ANKS1B: variants seen among roughly 807,000 people sequenced by gnomAD.
The protein encoded by ANKS1B is ankyrin repeat and sterile alpha motif domain containing 1B, also known as ankyrin repeat and sterile alpha motif domain-containing protein 1B.
Under a neutral mutation model 148.3 loss-of-function variants are expected in ANKS1B, and 36 were observed. That is an observed-to-expected ratio of 0.24 (90% confidence interval 0.19 to 0.32). ANKS1B has a LOEUF of 0.32. Among genes scored for constraint, ANKS1B ranks in the 10% least tolerant of loss-of-function variants. The pLI is 1.00. For missense variants in ANKS1B, 1,157 were observed against 1,542.6 expected (o/e 0.75, Z 4.19); for synonymous variants, 542 against 560.8 (o/e 0.97, Z 0.47).
In ANKS1B at chr12:99,318,832, A is replaced by G. The variant is rs200097657; in HGVS notation, c.1757-71968T>C. 5.3e-5 allele frequency among the ~76,000 whole-genome samples: 8 copies of G among 150,096 alleles called. No individual in the cohort carries two copies. The East Asian group carries it at 1.6e-3, about 29-fold the overall frequency. On this transcript the variant is annotated intron_variant, in intron 12 of 26. Transcript: ENST00000683438. Reference sequence around the variant, plus strand: ...TAGTGCTATAAATTTCCCTCTACACATTGCTTTAAATGTGTCCCAGAGATT... The same window carrying G: ...TAGTGCTATAAATTTCCCTCTACACGTTGCTTTAAATGTGTCCCAGAGATT...
chr12:99,203,882 T>G (rs997598126), intron 14 of ANKS1B, among the ~76,000 whole-genome samples: 3 of 152,206 alleles, frequency 2.0e-5, no homozygotes, highest in Admixed American at 6.5e-5. Context: ...CAATCTGAAG[T>G]CAGGCCTGAG....
chr12:99,385,924 T>C (rs2093840015), intron 12 of ANKS1B, among the ~76,000 whole-genome samples: 1 of 152,242 alleles, frequency 6.6e-6, no homozygotes, highest in African/African-American at 2.4e-5. Context: ...CTTGTCAAAA[T>C]GCTAATCACT....
chr12:99,812,570 GAGAGAGAA>G (rs2068559140), intron 2 of ANKS1B, among the ~76,000 whole-genome samples: 1 of 130,318 alleles, frequency 7.7e-6, no homozygotes, highest in Non-Finnish European at 1.7e-5. Flanking sequence ...GAGAGAGAGA[GAGAGAGAA>G]AGAGAGCGAG....
intron 12 of ANKS1B, among the ~76,000 whole-genome samples, chr12:99,346,750 C>T (rs1033936992): frequency 2.6e-5 from 4 of 151,844 alleles, no homozygotes; most frequent in South Asian, 2.1e-4. Flanking sequence ...GTATTGTTTT[C>T]GTGAGTTATC....
chr12:98,820,053 C>T (rs1410078696), intron 19 of ANKS1B, among the ~76,000 whole-genome samples: 4 of 152,182 alleles, frequency 2.6e-5, no homozygotes, highest in African/African-American at 9.7e-5. Flanking sequence ...ACTGAAGTTG[C>T]ATTTACATAA....
intron 12 of ANKS1B, among the ~76,000 whole-genome samples, chr12:99,250,786 G>A (rs2074485183): frequency 6.6e-6 from 1 of 152,208 alleles, no homozygotes; most frequent in Non-Finnish European, 1.5e-5. Flanking sequence ...GGAAAATGAT[G>A]ATAGTAATAG....
chr12:98,911,780 G>A (rs917936578), intron 17 of ANKS1B, among the ~76,000 whole-genome samples: 2 of 152,176 alleles, frequency 1.3e-5, no homozygotes, highest in Non-Finnish European at 2.9e-5. Context: ...GGTTTGGTCA[G>A]AGCTGACCCC....
chr12:99,545,762 A>T (rs1320315549), intron 9 of ANKS1B, among the ~76,000 whole-genome samples: 1 of 139,174 alleles, frequency 7.2e-6, no homozygotes, highest in Non-Finnish European at 1.5e-5. Context: ...ATATATATAT[A>T]TTTTACACAT....
At chr12:99,601,147 G>A (rs929170956) in intron 9 of ANKS1B, among the ~76,000 whole-genome samples, 42 of 152,046 alleles carry the variant, frequency 2.8e-4, no homozygotes, top group Non-Finnish European at 5.9e-5. Context: ...TTCTGTGGAT[G>A]GAGTCAGCAT....
intron 9 of ANKS1B, among the ~76,000 whole-genome samples, chr12:99,561,562 C>T (rs1022744998): frequency 7.2e-5 from 11 of 152,254 alleles, no homozygotes; most frequent in Middle Eastern, 6.8e-3. Context: ...TATATCAAAA[C>T]TTAAGCAGCA....
intron 15 of ANKS1B, among the ~76,000 whole-genome samples, chr12:99,134,645 TCACACACACACACACACA>T (rs4016023): frequency 0.13 from 13,893 of 105,202 alleles, 991 homozygotes; most frequent in South Asian, 0.26. Flanking sequence ...TCTCTCTCTC[TCACACACACACACACACA>T]CACACACACA....
intron 8 of ANKS1B, among the ~76,000 whole-genome samples, chr12:99,674,836 T>C (rs1434643190): frequency 3.3e-5 from 5 of 151,694 alleles, no homozygotes. Flanking sequence ...CTAAAACACG[T>C]GAAAACTTTG....
intron 4 of ANKS1B, among the ~76,000 whole-genome samples, chr12:99,797,464 G>C (rs1189803441): frequency 1.3e-5 from 2 of 151,820 alleles, no homozygotes; most frequent in African/African-American, 4.8e-5. Context: ...TGAACAAGGT[G>C]AACCCAAAGG....
chr12:99,225,300 A>C (rs967826851), intron 14 of ANKS1B, among the ~76,000 whole-genome samples: 1 of 152,024 alleles, frequency 6.6e-6, no homozygotes, highest in Non-Finnish European at 1.5e-5. Flanking sequence ...TATCAATATA[A>C]TATTATATAA....
intron 9 of ANKS1B, among the ~76,000 whole-genome samples, chr12:99,548,953 T>G (rs2097194630): frequency 6.6e-6 from 1 of 151,962 alleles, no homozygotes; most frequent in Admixed American, 6.5e-5. Flanking sequence ...ATTACAACTA[T>G]GATTAATGCA....
intron 1 of ANKS1B, among the ~76,000 whole-genome samples, chr12:99,935,454 T>TC (rs2094740786): frequency 6.6e-6 from 1 of 152,058 alleles, no homozygotes; most frequent in African/African-American, 2.4e-5. Flanking sequence ...CTAGGTCCTC[T>TC]ACACAGGGTC....
chr12:99,385,136 G>A (rs1319585204), intron 12 of ANKS1B, among the ~76,000 whole-genome samples: 4 of 121,324 alleles, frequency 3.3e-5, no homozygotes, highest in East Asian at 1.9e-4. Flanking sequence ...AATAATAGAC[G>A]TTTGGTTTTA....
At chr12:99,111,240 T>C (rs1292492299) in intron 15 of ANKS1B, among the ~76,000 whole-genome samples, 1 of 152,224 alleles carries the variant, frequency 6.6e-6, no homozygotes, top group Non-Finnish European at 1.5e-5. Flanking sequence ...TTATTAAAAA[T>C]TCCATTTTCT....
intron 17 of ANKS1B, among the ~76,000 whole-genome samples, chr12:99,049,374 C>A (rs1023690068): frequency 6.6e-6 from 1 of 152,028 alleles, no homozygotes; most frequent in Non-Finnish European, 1.5e-5. Context: ...AAAGTTATCG[C>A]AACTTTAGCA....
Sources: gnomAD v4.1 joint callset for allele counts (sites outside exome capture counted in the v4.1 genomes callset) on GRCh38, gnomAD v4.1.1 for gene constraint, MANE v1.5 for transcripts, NCBI Gene and HGNC (gene_info 2026-07-23, HGNC 2026-07-21) for gene names.